FER: variants seen among roughly 807,000 people sequenced by gnomAD.
The protein encoded by FER is FER tyrosine kinase, also known as tyrosine-protein kinase Fer.
In FER, 63 loss-of-function variants were observed where a neutral mutation model predicts 111.0. That is an observed-to-expected ratio of 0.57 (90% CI 0.46 to 0.70). The LOEUF (loss-of-function observed/expected upper bound fraction) is 0.70. FER is among the 30% of genes least tolerant of loss of function. The probability of loss-of-function intolerance (pLI) is 0.00; values close to 1 mark genes in which losing one functional copy is unlikely to be tolerated. For missense variants in FER, 914 were observed against 954.0 expected, an observed-to-expected ratio of 0.96 and a Z score of 0.55; for synonymous variants, 327 against 313.9, an observed-to-expected ratio of 1.04 and a Z score of -0.44.
chr5:109,003,658 A>G (rs966642204), intron 13 of FER, among the ~76,000 whole-genome samples: 4 of 151,916 alleles, frequency 2.6e-5, no homozygotes, highest in Non-Finnish European at 5.9e-5. Context: ...TATTTATCCC[A>G]AGCATTCAAA....
chr5:109,148,938 C>A (rs1380265911), intron 17 of FER, among the ~76,000 whole-genome samples: 1 of 152,062 alleles, frequency 6.6e-6, no homozygotes, highest in Non-Finnish European at 1.5e-5. Context: ...GCATTTTAAC[C>A]TAAGTTATAA....
intron 13 of FER, among the ~76,000 whole-genome samples, chr5:108,972,892 T>G (rs1463584214): frequency 6.6e-6 from 1 of 152,188 alleles, no homozygotes; most frequent in Non-Finnish European, 1.5e-5. Context: ...TTACTTTCTA[T>G]TTTTAAATTA....
At chr5:109,114,898 C>T (rs1231483180) in intron 17 of FER, among the ~76,000 whole-genome samples, 1 of 151,984 alleles carries the variant, frequency 6.6e-6, no homozygotes, top group Non-Finnish European at 1.5e-5. Flanking sequence ...CTGTTATCTT[C>T]TAAAATGAAG....
chr5:108,852,725 A>C (rs1241351485), intron 5 of FER, among the ~76,000 whole-genome samples: 5 of 152,112 alleles, frequency 3.3e-5, no homozygotes, highest in Non-Finnish European at 4.4e-5. Flanking sequence ...TCAGCAGCTA[A>C]CTTATGGAAT....
chr5:109,098,305 G>A (rs1156366377), intron 16 of FER, among the ~76,000 whole-genome samples: 1 of 151,780 alleles, frequency 6.6e-6, no homozygotes, highest in East Asian at 1.9e-4. Context: ...AATAACAAAT[G>A]TGTGTTGGGA....
At chr5:108,900,232 T>G (rs1327240642) in intron 10 of FER, among the ~76,000 whole-genome samples, 1 of 152,218 alleles carries the variant, frequency 6.6e-6, no homozygotes, top group Non-Finnish European at 1.5e-5. Context: ...CAGCATTTTT[T>G]CAGAACAATT....
At chr5:109,147,776 CAT>C (rs1394317122) in intron 17 of FER, among the ~76,000 whole-genome samples, 23 of 119,682 alleles carry the variant, frequency 1.9e-4, no homozygotes, top group Middle Eastern at 4.1e-3. Flanking sequence ...CACACACACA[CAT>C]ACATATATAT....
At chr5:108,938,038 A>T (rs1052394955) in intron 10 of FER, among the ~76,000 whole-genome samples, 68 of 109,968 alleles carry the variant, frequency 6.2e-4, no homozygotes, top group South Asian at 2.8e-3. Flanking sequence ...ACACACACAC[A>T]CACACACACA....
At chr5:108,993,014 A>G (rs950052186) in intron 13 of FER, among the ~76,000 whole-genome samples, 58 of 148,102 alleles carry the variant, frequency 3.9e-4, no homozygotes, top group African/African-American at 1.4e-3. Flanking sequence ...CACTTCCTAG[A>G]TGGGATGGCG....
intron 11 of FER, among the ~76,000 whole-genome samples, chr5:108,947,957 A>G (rs1471417642): frequency 2.0e-5 from 3 of 151,960 alleles, no homozygotes; most frequent in Non-Finnish European, 4.4e-5. Context: ...CCTGAGCTCA[A>G]GTGATCCTCC....
chr5:108,893,717 G>C (rs34349846), intron 9 of FER, among the ~76,000 whole-genome samples: 2 of 151,944 alleles, frequency 1.3e-5, no homozygotes, highest in East Asian at 3.9e-4. Context: ...AAGACAAAAG[G>C]CAACTGTGTG....
chr5:109,159,887 T>TA (rs1438977085), intron 17 of FER, among the ~76,000 whole-genome samples: 2 of 151,964 alleles, frequency 1.3e-5, no homozygotes, highest in African/African-American at 2.4e-5. Context: ...TCTGCACTGA[T>TA]AAAAAACCAT....
intron 17 of FER, among the ~76,000 whole-genome samples, chr5:109,138,228 T>C (rs988840573): frequency 6.6e-6 from 1 of 152,194 alleles, no homozygotes; most frequent in Non-Finnish European, 1.5e-5. Flanking sequence ...CTTGCCAGTG[T>C]TCAGGATGTT....
At chr5:109,184,381 A>C (rs2126875366) in intron 18 of FER, among the ~76,000 whole-genome samples, 1 of 152,198 alleles carries the variant, frequency 6.6e-6, no homozygotes, top group Admixed American at 6.5e-5. Context: ...AGATCAAGTG[A>C]GACATAGAAA....
chr5:108,789,783 A>G (rs921575974), intron 2 of FER, among the ~76,000 whole-genome samples: 1 of 151,902 alleles, frequency 6.6e-6, no homozygotes, highest in South Asian at 2.1e-4. Flanking sequence ...TTGTATTTTT[A>G]GTAGAGATGG....
At chr5:109,094,205 G>C (rs541721860) in intron 16 of FER, among the ~76,000 whole-genome samples, 1 of 150,302 alleles carries the variant, frequency 6.7e-6, no homozygotes, top group African/African-American at 2.4e-5. Context: ...AGAAATAACA[G>C]TACTATTGAA....
At chr5:108,844,510 A>T (rs979885075) in intron 5 of FER, among the ~76,000 whole-genome samples, 2 of 152,206 alleles carry the variant, frequency 1.3e-5, no homozygotes, top group African/African-American at 4.8e-5. Flanking sequence ...CATACAACAG[A>T]CAGCACCTAT....
chr5:109,173,012 G>C (rs116784871), intron 17 of FER, among the ~76,000 whole-genome samples: 1 of 152,094 alleles, frequency 6.6e-6, no homozygotes, highest in African/African-American at 2.4e-5. Flanking sequence ...GTTTGGTTCC[G>C]AGTTATCTCA....
rs188857890 is a variant in FER at position 108,953,411 on chromosome 5, C to T, written c.1330-1318C>T. On this transcript the variant is annotated intron_variant, in intron 11 of 19. Transcript: ENST00000281092. ...CAAAACTTCCATATATAGTCACAAA[C>T]GGAATATATTTTAAAAGTTTAAAAT... 8.2e-3 allele frequency among the ~76,000 whole-genome samples: 1,247 copies of T among 151,926 alleles called. 10 individuals carry two copies. The highest frequency in any genetic ancestry group is 0.029 in the African/African-American group (1,209 of 41,458).
Sources: gnomAD v4.1 joint callset for allele counts (sites outside exome capture counted in the v4.1 genomes callset) on GRCh38, gnomAD v4.1.1 for gene constraint, MANE v1.5 for transcripts, NCBI Gene and HGNC (gene_info 2026-07-23, HGNC 2026-07-21) for gene names.